C5AR1: variants seen among roughly 807,000 people sequenced by gnomAD.
The protein encoded by C5AR1 is C5a anaphylatoxin chemotactic receptor 1.
C5AR1 carries 4 observed loss-of-function variants against 2.4 expected under a neutral mutation model. That is an observed-to-expected ratio of 1.65 (90% CI 0.81 to 3.77). The LOEUF (loss-of-function observed/expected upper bound fraction) is 3.77. Among genes scored for constraint, C5AR1 ranks in the 30% most tolerant of loss-of-function variants. The pLI, the probability that C5AR1 is intolerant of heterozygous loss-of-function variation, is 0.01. For synonymous variants in C5AR1, 209 were observed against 210.4 expected (o/e 0.99, Z 0.06); for missense variants, 418 against 462.5 (o/e 0.90, Z 0.88).
chr19:47,316,889 C>A (rs962686499), intron 1 of C5AR1, among the ~76,000 whole-genome samples: 14 of 149,748 alleles, frequency 9.3e-5, no homozygotes, highest in South Asian at 2.1e-4. Context: ...AAAAAAAAAA[C>A]AAAACTATCC....
At position 47,320,645 on chromosome 19, in the gene C5AR1, T is replaced by A; in HGVS notation, c.868T>A (p.Tyr290Asn). Residue 290 changes from tyrosine (Y) to asparagine (N), a missense_variant, in exon 2 of 2, where the codon TAC becomes AAC. By Grantham distance (143) the Tyr-to-Asn change is moderately radical. Transcript: ENST00000355085. The surrounding 1 kb of genome is among the most constrained non-coding windows in gnomAD (Gnocchi z 4.9). ...KLDSLCVSFA[Y>N]INCCINPIIY... is the part of the protein sequence containing the mutation. ...GGACTCCCTGTGTGTCTCCTTTGCC[T>A]ACATCAACTGCTGCATCAACCCCAT... 1 of 1,614,110 alleles carries A rather than the reference T, an allele frequency of 6.2e-7. No individual in the cohort carries two copies. The highest frequency in any genetic ancestry group is 2.2e-5 in the East Asian group (1 of 44,870).
In C5AR1 at chr19:47,319,850, C is replaced by T. The variant is rs747815770; in HGVS notation, c.73C>T (p.Pro25Ser). ...DDKDTLDLNT[P>S]VDKTSNTLRV... ...CAAGGATACCCTGGACCTCAACACC[C>T]CTGTGGATAAAACTTCTAACACGCT... The change falls in exon 2 of 2, where the codon CCT (proline) becomes TCT (serine). Residue 25 changes from proline (P) to serine (S), a missense_variant. Coordinates refer to ENST00000355085, the MANE Select transcript of C5AR1 (RefSeq NM_001736.4). The T allele has an allele frequency of 2.5e-6, 4 of 1,614,054 alleles. No individual in the cohort carries two copies. The highest frequency in any genetic ancestry group is 3.4e-6 in the Non-Finnish European group (4 of 1,179,996).
Position 47,315,052 on chromosome 19 carries a change from T to G in C5AR1, c.4-4729T>G, listed in dbSNP as rs115201650. On this transcript the variant is annotated intron_variant, in intron 1 of 1. Coordinates refer to ENST00000355085, the MANE Select transcript of C5AR1 (RefSeq NM_001736.4). The stretch of plus-strand genomic sequence containing the variant: ...TATATAAACATTCTTTTTGTCTGTT[T>G]TTTTCCTTTTTGTAGGGATAGGGTC... Among the ~76,000 whole-genome samples the G allele has an allele frequency of 5.1e-3, 781 of 152,266 alleles. 9 individuals carry two copies. Among genetic ancestry groups the G allele is most frequent in the African/African-American group, 0.018 (737 of 41,556 alleles).
rs199799158 is a variant in C5AR1 at position 47,321,061 on chromosome 19, C to A, written c.*231C>A. 26 of 241,492 alleles carry A rather than the reference C, an allele frequency of 1.1e-4. 1 individual carries two copies. The highest frequency in any genetic ancestry group is 1.4e-4 in the Non-Finnish European group (20 of 142,752). The allele number at this position is 241,492 out of a possible 1,614,324, so 15.0% of individuals were successfully genotyped here. Reference sequence around the variant, plus strand: ...AGGGAGCACCCTCCCACCCCCCACCCCCCCCACACACACCATCTTTCCATC... The same window carrying A: ...AGGGAGCACCCTCCCACCCCCCACCACCCCCACACACACCATCTTTCCATC... On this transcript the variant is annotated 3_prime_UTR_variant, in exon 2 of 2. Transcript: ENST00000355085.
upstream of C5AR1, among the ~76,000 whole-genome samples, chr19:47,308,975 A>G (rs918518857): frequency 2.0e-5 from 3 of 152,220 alleles, no homozygotes; most frequent in African/African-American, 4.8e-5. Flanking sequence ...GGGTTTCACC[A>G]TGTTGGCCAG....
upstream of C5AR1, among the ~76,000 whole-genome samples, chr19:47,308,296 GA>G (rs2059259979): frequency 6.6e-6 from 1 of 151,028 alleles, no homozygotes; most frequent in Non-Finnish European, 1.5e-5. Flanking sequence ...CTCCTTATGA[GA>G]ATCTAATGCC....
chr19:47,313,888 C>T (rs914305777), intron 1 of C5AR1, among the ~76,000 whole-genome samples: 3 of 151,904 alleles, frequency 2.0e-5, no homozygotes, highest in Admixed American at 2.0e-4. Flanking sequence ...ATGAGTGTTG[C>T]TGTTGCAACA....
At chr19:47,318,329 T>G (rs2059296602) in intron 1 of C5AR1, among the ~76,000 whole-genome samples, 1 of 151,740 alleles carries the variant, frequency 6.6e-6, no homozygotes, top group Non-Finnish European at 1.5e-5. Flanking sequence ...AGTCTCACTC[T>G]GTCGCCCAGG....
At chr19:47,309,805 T>C, upstream of C5AR1, 1 of 1,411,460 alleles carries the variant, frequency 7.1e-7, no homozygotes, top group African/African-American at 1.4e-5. Flanking sequence ...AGACGGTCAT[T>C]TCCTCCCTGC....
At chr19:47,316,417 GTTTA>G (rs780447728) in intron 1 of C5AR1, 2 of 149,890 alleles carry the variant, frequency 1.3e-5, no homozygotes, top group African/African-American at 2.4e-5. Flanking sequence ...CTATCCATCC[GTTTA>G]TTTATATCCA....
At chr19:47,314,964 G>A (rs1351487585) in intron 1 of C5AR1, among the ~76,000 whole-genome samples, 1 of 152,140 alleles carries the variant, frequency 6.6e-6, no homozygotes, top group Non-Finnish European at 1.5e-5. Context: ...AAAGTGCTGG[G>A]ATTACAGGCG....
intron 1 of C5AR1, 67 bp from the exon 2 acceptor site, chr19:47,319,714 C>T (rs1347926977): frequency 8.8e-6 from 9 of 1,026,714 alleles, no homozygotes; most frequent in Non-Finnish European, 1.0e-5. Flanking sequence ...ATGCCTGAGC[C>T]AGGATGCCCC....
In C5AR1 at chr19:47,320,680, G is replaced by A. The variant is rs749237693; in HGVS notation, c.903G>A (p.Val301=). 6 of 1,614,036 alleles carry A rather than the reference G, an allele frequency of 3.7e-6. 1 individual carries two copies. The South Asian group carries it at 5.5e-5, about 15-fold the overall frequency. The change falls in exon 2 of 2, where the codon GTG becomes GTA. Residue 301 remains valine, a synonymous_variant. Coordinates refer to ENST00000355085, the MANE Select transcript of C5AR1 (RefSeq NM_001736.4). The surrounding 1 kb of genome is among the most constrained non-coding windows in gnomAD (Gnocchi z 4.9). ...GCTGCATCAACCCCATCATCTACGT[G>A]GTGGCCGGCCAGGGCTTCCAGGGCC... The part of the protein sequence containing the change: ...INCCINPIIY[V]VAGQGFQGRL...
At chr19:47,317,746 G>A (rs1181376580) in intron 1 of C5AR1, among the ~76,000 whole-genome samples, 2 of 151,864 alleles carry the variant, frequency 1.3e-5, no homozygotes, top group African/African-American at 4.8e-5. Context: ...ATTTTGGGAG[G>A]CCAAGGCAGG....
rs2059312461 is a variant in C5AR1, at chr19:47,322,046, A to G, written c.*1216A>G. ...AAAGTATACATGACTTTAATGAGGA[A>G]AATAAAAATGAATATTGAAATGTTG... is the stretch of plus-strand genomic sequence containing the variant. On this transcript the variant is annotated 3_prime_UTR_variant, in exon 2 of 2. Transcript: ENST00000355085. 1 of 152,224 alleles carries G rather than the reference A, an allele frequency of 6.6e-6. No homozygotes were observed. The highest frequency in any genetic ancestry group is 2.1e-4 in the South Asian group (1 of 4,830). 9.4% of individuals were successfully genotyped at this position (152,224 alleles called of 1,614,324 possible). A position where few individuals can be genotyped will look rare whatever the true frequency, so the allele number is the denominator to read the frequency against.
chr19:47,319,273 G>A (rs2059300165), intron 1 of C5AR1, among the ~76,000 whole-genome samples: 1 of 149,492 alleles, frequency 6.7e-6, no homozygotes, highest in African/African-American at 2.5e-5. Flanking sequence ...TGGCAGACTG[G>A]CAAGGGGTCC....
rs202022371 is a variant in C5AR1, at chr19:47,320,735, C to T, written c.958C>T (p.Arg320Trp). The stretch of plus-strand genomic sequence containing the variant: ...GCGGAAATCCCTCCCCAGCCTCCTC[C>T]GGAACGTGTTGACTGAAGAGTCCGT... ...RLRKSLPSLL[R>W]NVLTEESVVR... Residue 320 changes from arginine to tryptophan, a missense_variant, in exon 2 of 2, where the codon CGG becomes TGG. By Grantham distance (101) the Arg-to-Trp change is moderately radical (BLOSUM62 -3). Coordinates refer to ENST00000355085, the MANE Select transcript of C5AR1 (RefSeq NM_001736.4). This position sits in a 1 kb window ranked among gnomAD's most constrained non-coding sequence, Gnocchi z 4.9. The T allele has an allele frequency of 9.9e-6, 16 of 1,614,016 alleles. No individual in the cohort carries two copies. The highest frequency in any genetic ancestry group is 1.3e-5 in the African/African-American group (1 of 74,914).
chr19:47,315,635 C>G (rs1297832367), intron 1 of C5AR1, among the ~76,000 whole-genome samples: 1 of 152,074 alleles, frequency 6.6e-6, no homozygotes, highest in African/African-American at 2.4e-5. Flanking sequence ...CAGAGGTCCC[C>G]TGGGCAGGGT....
chr19:47,320,674 C>T lies in C5AR1; in HGVS notation c.897C>T (p.Ile299=). The change falls in exon 2 of 2, where the codon ATC becomes ATT. Residue 299 remains isoleucine, a synonymous_variant. Coordinates refer to ENST00000355085, the MANE Select transcript of C5AR1 (RefSeq NM_001736.4). The surrounding 1 kb of genome is among the most constrained non-coding windows in gnomAD (Gnocchi z 4.9). ...TCAACTGCTGCATCAACCCCATCAT[C>T]TACGTGGTGGCCGGCCAGGGCTTCC... ...AYINCCINPI[I]YVVAGQGFQG... 1 of 1,614,204 alleles carries T rather than the reference C, an allele frequency of 6.2e-7. No homozygotes were observed. Among genetic ancestry groups the T allele is most frequent in the Non-Finnish European group, 8.5e-7 (1 of 1,180,046 alleles).
Sources: gnomAD v4.1 joint callset for allele counts (sites outside exome capture counted in the v4.1 genomes callset) on GRCh38, gnomAD v4.1.1 for gene constraint, Gnocchi (gnomAD v3.1) non-coding constraint, MANE v1.5 for transcripts, NCBI Gene and HGNC (gene_info 2026-07-23, HGNC 2026-07-21) for gene names.